Variants in TENM3 observed in about 807,000 individuals in gnomAD.
TENM3 encodes the protein teneurin transmembrane protein 3.
TENM3 carries 63 observed loss-of-function variants against 255.1 expected under a neutral mutation model. The observed-to-expected ratio is 0.25, with a 90% CI of 0.20 to 0.30. TENM3 has a LOEUF of 0.30. Among genes scored for constraint, TENM3 ranks in the 10% least tolerant of loss-of-function variants. The pLI is 1.00. For synonymous variants in TENM3, 1,306 were observed against 1,322.3 expected (o/e 0.99, Z 0.27); for missense variants, 2,929 against 3,461.1 (o/e 0.85, Z 3.86).
intron 3 of TENM3, among the ~76,000 whole-genome samples, chr4:182,351,092 C>CTTTTT (rs5864780): frequency 1.5e-3 from 231 of 151,246 alleles, no homozygotes; most frequent in African/African-American, 5.5e-3. Context: ...GAACAAAGGG[C>CTTTTT]TTTTTTTTAT....
chr4:181,591,626 G>A, the TENM3 span, among the ~76,000 whole-genome samples: 14 of 152,286 alleles, frequency 9.2e-5, no homozygotes, highest in African/African-American at 2.6e-4. Context: ...GCAGTTGAGC[G>A]CACATCACTG....
chr4:182,305,878 T>C (rs560653166), intron 1 of TENM3, among the ~76,000 whole-genome samples: 2 of 152,322 alleles, frequency 1.3e-5, no homozygotes, highest in East Asian at 3.9e-4. Flanking sequence ...TTACGTTCTT[T>C]AGTAATGGTG....
chr4:181,793,030 C>T, the TENM3 span, among the ~76,000 whole-genome samples: 1 of 152,018 alleles, frequency 6.6e-6, no homozygotes, highest in Non-Finnish European at 1.5e-5. Flanking sequence ...AAGACAAACA[C>T]TGTTACCTGT....
the TENM3 span, among the ~76,000 whole-genome samples, chr4:181,808,985 G>A: frequency 1.3e-5 from 2 of 152,164 alleles, no homozygotes; most frequent in Non-Finnish European, 2.9e-5. Flanking sequence ...GCAAGCGGGG[G>A]TACAAAAGCC....
At chr4:181,912,816 A>G in the TENM3 span, among the ~76,000 whole-genome samples, 2 of 152,018 alleles carry the variant, frequency 1.3e-5, no homozygotes, top group African/African-American at 4.8e-5. Flanking sequence ...AAGAAAAGTA[A>G]GAGGTGCAGC....
intron 3 of TENM3, among the ~76,000 whole-genome samples, chr4:182,536,148 G>A (rs931373388): frequency 6.6e-6 from 1 of 152,154 alleles, no homozygotes; most frequent in Admixed American, 6.5e-5. Flanking sequence ...GCTGTTAGTA[G>A]TAATATTTTT....
chr4:181,707,949 T>G, the TENM3 span, among the ~76,000 whole-genome samples: 3 of 152,172 alleles, frequency 2.0e-5, no homozygotes, highest in Non-Finnish European at 4.4e-5. Context: ...AACAAATACA[T>G]AATAATTCTT....
intron 22 of TENM3, among the ~76,000 whole-genome samples, chr4:182,767,711 G>A (rs1763839683): frequency 6.6e-6 from 1 of 152,142 alleles, no homozygotes; most frequent in Non-Finnish European, 1.5e-5. Context: ...TCCTTCATGT[G>A]AGTTCTTACT....
At chr4:182,417,883 A>C (rs1269233764) in intron 3 of TENM3, among the ~76,000 whole-genome samples, 1 of 152,166 alleles carries the variant, frequency 6.6e-6, no homozygotes, top group Non-Finnish European at 1.5e-5. Context: ...TTCATGATTT[A>C]CCTAAATGTT....
chr4:181,508,812 G>A, the TENM3 span, among the ~76,000 whole-genome samples: 1 of 149,540 alleles, frequency 6.7e-6, no homozygotes, highest in Non-Finnish European at 1.5e-5. Context: ...ATCCGTCACT[G>A]CTTGATGTTA....
the TENM3 span, among the ~76,000 whole-genome samples, chr4:181,535,258 A>C: frequency 1.3e-5 from 2 of 152,076 alleles, no homozygotes; most frequent in Non-Finnish European, 2.9e-5. Context: ...GGGATTGGTG[A>C]TGTTCAGTAT....
At chr4:181,576,972 C>G in the TENM3 span, among the ~76,000 whole-genome samples, 2 of 135,694 alleles carry the variant, frequency 1.5e-5, no homozygotes, top group Non-Finnish European at 3.1e-5. Flanking sequence ...TGCCACCACA[C>G]CCGGCTAATA....
upstream of TENM3, among the ~76,000 whole-genome samples, chr4:182,240,173 GC>G (rs1047442582): frequency 2.6e-5 from 4 of 152,136 alleles, no homozygotes; most frequent in Non-Finnish European, 2.9e-5. Context: ...GTTAGCCACA[GC>G]CACCCGGATA....
At chr4:182,044,568 C>T in the TENM3 span, among the ~76,000 whole-genome samples, 1 of 152,222 alleles carries the variant, frequency 6.6e-6, no homozygotes. Context: ...CAGAATCCTG[C>T]TCGTTTACGA....
chr4:181,763,300 G>GTCA, the TENM3 span, among the ~76,000 whole-genome samples: 1 of 152,114 alleles, frequency 6.6e-6, no homozygotes, highest in South Asian at 2.1e-4. Flanking sequence ...TATCTTCTTA[G>GTCA]TCATCATCAT....
At chr4:181,876,318 C>T in the TENM3 span, among the ~76,000 whole-genome samples, 24,613 of 152,044 alleles carry the variant, frequency 0.16, 2,543 homozygotes, top group East Asian at 0.55. Context: ...TATTTATAGC[C>T]TATTTAATGT....
intron 24 of TENM3, 82 bp downstream of exon 24, chr4:182,775,235 C>T: frequency 8.3e-7 from 1 of 1,211,984 alleles, no homozygotes; most frequent in Non-Finnish European, 1.2e-6. Flanking sequence ...GCGTCTCCTG[C>T]TCACCCCCCT....
chr4:182,519,279 T>C (rs1450205038), intron 3 of TENM3, among the ~76,000 whole-genome samples: 1 of 152,250 alleles, frequency 6.6e-6, no homozygotes, highest in East Asian at 1.9e-4. Context: ...TAATTTCACC[T>C]GCTTTTAAAA....
upstream of TENM3, chr4:182,144,639 C>A (rs1420036788): frequency 6.8e-6 from 1 of 147,090 alleles, no homozygotes; most frequent in African/African-American, 2.5e-5. Flanking sequence ...CGGCGGGGCC[C>A]CCCTCCCCCG....
Sources: allele counts gnomAD v4.1 joint callset (sites outside exome capture counted in the v4.1 genomes callset), GRCh38; gene constraint gnomAD v4.1.1; transcripts MANE v1.5; gene names NCBI Gene and HGNC (gene_info 2026-07-23, HGNC 2026-07-21).